Variants in ATL2 observed in about 807,000 individuals in gnomAD.
ATL2 encodes the protein atlastin-2.
Under a neutral mutation model 73.9 loss-of-function variants are expected in ATL2, and 31 were observed. The ratio of observed to expected loss-of-function variants is 0.42; its 90% CI spans 0.32 to 0.57. ATL2 has a LOEUF of 0.57. Among genes scored for constraint, ATL2 ranks in the 20% least tolerant of loss-of-function variants. ATL2 has a pLI of 0.14. For missense variants in ATL2, 738 were observed against 702.6 expected (o/e 1.05, Z -0.57); for synonymous variants, 291 against 237.5 (o/e 1.23, Z -2.07).
chr2:38,366,606 T>C (rs999819698), intron 1 of ATL2, among the ~76,000 whole-genome samples: 1 of 152,200 alleles, frequency 6.6e-6, no homozygotes, highest in African/African-American at 2.4e-5. Flanking sequence ...AGCCTCCCTC[T>C]TCCATGAAGT....
chr2:38,333,086 C>A (rs76284042), intron 2 of ATL2, among the ~76,000 whole-genome samples: 108 of 152,048 alleles, frequency 7.1e-4, no homozygotes, highest in African/African-American at 2.5e-3. Flanking sequence ...AGCTGGGCCA[C>A]GCACAGTGGC....
upstream of ATL2, among the ~76,000 whole-genome samples, chr2:38,377,481 G>T (rs1197862065): frequency 7.9e-6 from 1 of 125,954 alleles, no homozygotes; most frequent in Non-Finnish European, 1.6e-5. Flanking sequence ...CGCCCTGCCC[G>T]CCTGCAGATC....
At chr2:38,337,296 C>T (rs1343863346) in intron 2 of ATL2, among the ~76,000 whole-genome samples, 1 of 151,494 alleles carries the variant, frequency 6.6e-6, no homozygotes, top group African/African-American at 2.4e-5. Context: ...ACCAGCCTAA[C>T]CAACATGGTG....
intron 2 of ATL2, among the ~76,000 whole-genome samples, chr2:38,337,288 C>T (rs1669414633): frequency 6.6e-6 from 1 of 151,260 alleles, no homozygotes; most frequent in African/African-American, 2.4e-5. Flanking sequence ...AGTTCCATAC[C>T]AGCCTAACCA....
At chr2:38,301,871 G>T (rs1334573296) in intron 9 of ATL2, among the ~76,000 whole-genome samples, 1 of 152,216 alleles carries the variant, frequency 6.6e-6, no homozygotes, top group African/African-American at 2.4e-5. Context: ...GACTGCTAGT[G>T]TCACTCCCCC....
chr2:38,358,216 T>C (rs939658880), intron 1 of ATL2, among the ~76,000 whole-genome samples: 1 of 152,108 alleles, frequency 6.6e-6, no homozygotes, highest in African/African-American at 2.4e-5. Context: ...CTAACAATAT[T>C]AAAATAAAAT....
At chr2:38,296,997 A>T (rs1300031134) in intron 12 of ATL2, among the ~76,000 whole-genome samples, 1 of 152,252 alleles carries the variant, frequency 6.6e-6, no homozygotes, top group Non-Finnish European at 1.5e-5. Flanking sequence ...AAGTTGCGAT[A>T]GCTTTGCATC....
rs755029194 is a variant in ATL2 at position 38,337,486 on chromosome 2, C to CAAAAAAAAAAAAAAAAAAAAAAAAA, written c.363+5757_363+5781dup. Among the ~76,000 whole-genome samples the CAAAAAAAAAAAAAAAAAAAAAAAAA allele has an allele frequency of 3.2e-4, 7 of 21,660 alleles. 1 individual carries two copies. The highest frequency in any genetic ancestry group is 4.3e-4 in the Non-Finnish European group (5 of 11,686). 14.2% of individuals were successfully genotyped at this position (21,660 alleles called of 152,430 possible). A position where few individuals can be genotyped will look rare whatever the true frequency, so the allele number is the denominator to read the frequency against. ...TGGCGACAGAACAAGACTCTGTCTC[C>CAAAAAAAAAAAAAAAAAAAAAAAAA]AAAAAAAAAAAAAAAAAAAAAAAAA... On this transcript the variant is annotated intron_variant, in intron 2 of 12. Coordinates refer to ENST00000378954, the MANE Select transcript of ATL2 (RefSeq NM_001135673.4).
chr2:38,336,727 T>G (rs898928860), intron 2 of ATL2, among the ~76,000 whole-genome samples: 2 of 152,248 alleles, frequency 1.3e-5, no homozygotes, highest in African/African-American at 4.8e-5. Flanking sequence ...GAGTCTCGTT[T>G]CTTCAACTAC....
intron 1 of ATL2, among the ~76,000 whole-genome samples, chr2:38,353,806 T>G (rs1021942195): frequency 6.6e-6 from 1 of 152,232 alleles, no homozygotes; most frequent in Non-Finnish European, 1.5e-5. Flanking sequence ...AAGGGATTGA[T>G]AGCTTTAGAG....
intron 1 of ATL2, among the ~76,000 whole-genome samples, chr2:38,353,066 C>T (rs1670449547): frequency 6.6e-6 from 1 of 151,934 alleles, no homozygotes; most frequent in East Asian, 1.9e-4. Flanking sequence ...ACTAGACATA[C>T]AAAGAAAGAA....
At chr2:38,308,661 T>A (rs997928136) in intron 9 of ATL2, among the ~76,000 whole-genome samples, 2 of 152,136 alleles carry the variant, frequency 1.3e-5, no homozygotes, top group Non-Finnish European at 2.9e-5. Context: ...ACACCCTATT[T>A]ACTCTAATAT....
At chr2:38,355,083 C>G (rs886274955) in intron 1 of ATL2, among the ~76,000 whole-genome samples, 1 of 151,910 alleles carries the variant, frequency 6.6e-6, no homozygotes, top group African/African-American at 2.4e-5. Flanking sequence ...AATAAAAACG[C>G]AGAGACTGCC....
At chr2:38,377,902 A>G (rs1039472275), upstream of ATL2, among the ~76,000 whole-genome samples, 7 of 148,896 alleles carry the variant, frequency 4.7e-5, no homozygotes, top group East Asian at 1.0e-3. Flanking sequence ...CTCCCCATCT[A>G]CTTATGAGAC....
intron 2 of ATL2, among the ~76,000 whole-genome samples, chr2:38,334,897 T>A (rs1573511981): frequency 7.2e-6 from 1 of 138,118 alleles, no homozygotes; most frequent in East Asian, 2.0e-4. Flanking sequence ...ATATAATATA[T>A]ATTATTTATA....
intron 9 of ATL2, among the ~76,000 whole-genome samples, chr2:38,303,395 A>T (rs994256957): frequency 8.6e-5 from 13 of 151,812 alleles, no homozygotes; most frequent in African/African-American, 3.1e-4. Flanking sequence ...TTGTAGAGAC[A>T]AGGTTTCACC....
At chr2:38,309,797 A>G (rs1222125000) in intron 8 of ATL2, among the ~76,000 whole-genome samples, 1 of 152,172 alleles carries the variant, frequency 6.6e-6, no homozygotes, top group Non-Finnish European at 1.5e-5. Context: ...CACATTTAGT[A>G]TTAACGAAAA....
At chr2:38,314,499 G>C in intron 6 of ATL2, 109 bp downstream of exon 6, 1 of 686,986 alleles carries the variant, frequency 1.5e-6, no homozygotes, top group Non-Finnish European at 2.5e-6. Context: ...TGAATCTGTT[G>C]CTAGCAATGA....
chr2:38,353,712 A>G (rs1670491301), intron 1 of ATL2, among the ~76,000 whole-genome samples: 1 of 152,226 alleles, frequency 6.6e-6, no homozygotes, highest in African/African-American at 2.4e-5. Flanking sequence ...TAGTTATGTA[A>G]TAATTATACA....
Sources: allele counts gnomAD v4.1 joint callset (sites outside exome capture counted in the v4.1 genomes callset), GRCh38; gene constraint gnomAD v4.1.1; transcripts MANE v1.5; gene names NCBI Gene and HGNC (gene_info 2026-07-23, HGNC 2026-07-21).